The following MLYCD variants were observed in gnomAD, a reference collection of about 807,000 sequenced individuals.
MLYCD encodes the protein malonyl-CoA decarboxylase.
Under a neutral mutation model 35.8 loss-of-function variants are expected in MLYCD, and 27 were observed. The observed-to-expected ratio is 0.75, with a 90% CI of 0.56 to 1.04. The LOEUF is 1.04. MLYCD is among the 50% of genes least tolerant of loss of function. The pLI, the probability that MLYCD is intolerant of heterozygous loss-of-function variation, is 0.00. For synonymous variants in MLYCD, 403 were observed against 302.4 expected (o/e 1.33, Z -3.45); for missense variants, 917 against 665.1 (o/e 1.38, Z -4.17).
chr16:83,902,465 C>G (rs1906829978), intron 1 of MLYCD, among the ~76,000 whole-genome samples: 1 of 150,188 alleles, frequency 6.7e-6, no homozygotes, highest in Admixed American at 6.6e-5. Flanking sequence ...TCACCAGAAT[C>G]ACTTAATGTG....
intron 1 of MLYCD, among the ~76,000 whole-genome samples, chr16:83,904,984 G>A (rs1004622925): frequency 2.6e-5 from 4 of 152,180 alleles, no homozygotes; most frequent in African/African-American, 9.7e-5. Flanking sequence ...ACATGTAAAA[G>A]GAGACCTCAT....
rs1366207583 is a variant in MLYCD, at chr16:83,917,263, C to T, written c.*1774C>T. On this transcript the variant is annotated 3_prime_UTR_variant, in exon 5 of 5. Coordinates refer to ENST00000262430, the MANE Select transcript of MLYCD (RefSeq NM_012213.3). ...TCTGTGTGCGTGTGCCCGAGCGTCT[C>T]TGTGTGGATCAGTGCACGTCTGTGT... The T allele has an allele frequency of 7.0e-6, 1 of 142,710 alleles. No individual in the cohort carries two copies. The highest frequency in any genetic ancestry group is 2.9e-5 in the African/African-American group (1 of 33,984). The allele number at this position is 142,710 out of a possible 1,614,324, so 8.8% of individuals were successfully genotyped here. A position where few individuals can be genotyped will look rare whatever the true frequency, so the allele number is the denominator to read the frequency against.
rs1374996923 is a variant in MLYCD at position 83,922,633 on chromosome 16, A to C, written c.*7144A>C. 6.6e-6 allele frequency: 1 copy of C among 152,046 alleles called. No homozygotes were observed. Among genetic ancestry groups the C allele is most frequent in the Non-Finnish European group, 1.5e-5 (1 of 68,022 alleles). 9.4% of individuals were successfully genotyped at this position (152,046 alleles called of 1,614,324 possible). On this transcript the variant is annotated 3_prime_UTR_variant, in exon 5 of 5. Coordinates refer to ENST00000262430, the MANE Select transcript of MLYCD (RefSeq NM_012213.3). The stretch of plus-strand genomic sequence containing the variant: ...TTAAGTGGCAGTAACCATAGTACCG[A>C]CCCCACAGCCTGCTGAGAGGCTCAA...
Position 83,917,724 on chromosome 16 carries a change from T to C in MLYCD, c.*2235T>C, listed in dbSNP as rs1907472502. The C allele has an allele frequency of 6.6e-6, 1 of 152,284 alleles. No individual in the cohort carries two copies. Among genetic ancestry groups the C allele is most frequent in the African/African-American group, 2.4e-5 (1 of 41,470 alleles). 9.4% of individuals were successfully genotyped at this position (152,284 alleles called of 1,614,324 possible). The stretch of plus-strand genomic sequence containing the variant: ...GACCCTCAGGCCTGCGGAAACCTGC[T>C]GGGCCTTACCGTCTTTGCTTAGCTT... On this transcript the variant is annotated 3_prime_UTR_variant, in exon 5 of 5. Transcript: ENST00000262430.
chr16:83,899,625 C>G lies in MLYCD; in HGVS notation c.481C>G (p.Leu161Val). ...VRFLVQLRAD[L>V]LEAQALKLVE... The stretch of plus-strand genomic sequence containing the variant: ...CTTCCTGGTGCAGCTGCGGGCCGAC[C>G]TGCTGGAGGCGCAGGCCCTCAAGCT... The change falls in exon 1 of 5, where the codon CTG becomes GTG. Residue 161 changes from leucine (L) to valine (V), a missense_variant. Transcript: ENST00000262430. 1.9e-6 allele frequency: 3 copies of G among 1,565,486 alleles called. No individual in the cohort carries two copies. The highest frequency in any genetic ancestry group is 2.7e-5 in the African/African-American group (2 of 73,722).
chr16:83,904,191 A>ACG (rs1327150739), intron 1 of MLYCD, among the ~76,000 whole-genome samples: 4,260 of 152,084 alleles, frequency 0.028, 132 homozygotes, highest in African/African-American at 0.077. Flanking sequence ...AGCTTTTTTC[A>ACG]TATCACGAAT....
intron 1 of MLYCD, among the ~76,000 whole-genome samples, chr16:83,905,424 A>T (rs1412256053): frequency 6.6e-6 from 1 of 152,182 alleles, no homozygotes; most frequent in Non-Finnish European, 1.5e-5. Flanking sequence ...AATAACAGTG[A>T]TTTGAATATG....
Position 83,915,869 on chromosome 16 carries a change from G to A in MLYCD, c.*380G>A, listed in dbSNP as rs1217559584. The stretch of plus-strand genomic sequence containing the variant: ...CTGGCATCCTCCTAAGGACCGGGGC[G>A]CGTGGCCCAGATAAGAATAGGTGTT... On this transcript the variant is annotated 3_prime_UTR_variant, in exon 5 of 5. Transcript: ENST00000262430. 4.3e-6 allele frequency: 5 copies of A among 1,175,566 alleles called. No individual in the cohort carries two copies. The highest frequency in any genetic ancestry group is 5.3e-6 in the Non-Finnish European group (5 of 940,222). 72.8% of individuals were successfully genotyped at this position (1,175,566 alleles called of 1,614,324 possible).
At chr16:83,908,360 C>G in intron 3 of MLYCD, 78 bp downstream of exon 3, 1 of 1,506,846 alleles carries the variant, frequency 6.6e-7, no homozygotes, top group Non-Finnish European at 8.9e-7. Context: ...TTTGTTTTTA[C>G]TTGATTTTAT....
At position 83,915,588 on chromosome 16, in the gene MLYCD, C is replaced by T. The variant is rs1355687751; in HGVS notation, c.*99C>T. Reference sequence around the variant, plus strand: ...ATCTGAAGCAGCTTTCCAAGCAAAGCCAAAGTTGACTGTGTTCTTGTCCCG... The same window carrying T: ...ATCTGAAGCAGCTTTCCAAGCAAAGTCAAAGTTGACTGTGTTCTTGTCCCG... On this transcript the variant is annotated 3_prime_UTR_variant, in exon 5 of 5. Coordinates refer to ENST00000262430, the MANE Select transcript of MLYCD (RefSeq NM_012213.3). 6 of 1,547,208 alleles carry T rather than the reference C, an allele frequency of 3.9e-6. No homozygotes were observed. Among genetic ancestry groups the T allele is most frequent in the Non-Finnish European group, 5.2e-6 (6 of 1,154,024 alleles).
Position 83,915,251 on chromosome 16 carries a change from C to G in MLYCD, c.1244C>G (p.Ala415Gly). The G allele has an allele frequency of 6.2e-7, 1 of 1,612,618 alleles. No individual in the cohort carries two copies. The highest frequency in any genetic ancestry group is 8.5e-7 in the Non-Finnish European group (1 of 1,178,738). The change falls in exon 5 of 5, where the codon GCG (alanine) becomes GGG (glycine). Residue 415 changes from alanine to glycine, a missense_variant. Coordinates refer to ENST00000262430, the MANE Select transcript of MLYCD (RefSeq NM_012213.3). ...YLYGEKHRGY[A>G]LNPVANFHLQ... ...TATGGAGAGAAGCACCGCGGCTACGCGCTGAACCCCGTGGCCAACTTCCAC... is the reference window on the plus strand; with the variant it reads ...TATGGAGAGAAGCACCGCGGCTACGGGCTGAACCCCGTGGCCAACTTCCAC...
chr16:83,899,394 C>G lies in MLYCD; in HGVS notation c.250C>G (p.Arg84Gly). The change falls in exon 1 of 5, where the codon CGG (arginine) becomes GGG (glycine). Residue 84 changes from arginine to glycine, a missense_variant. Arg to Gly is a moderately radical substitution (Grantham distance 125, BLOSUM62 -2). Transcript: ENST00000262430. The part of the protein sequence containing the change: ...FYGGLAETAQ[R>G]AELLGRLARG... ...CGGTGGGCTGGCCGAGACGGCCCAG[C>G]GGGCCGAACTGCTGGGCCGCCTGGC... is the stretch of plus-strand genomic sequence containing the variant. The G allele has an allele frequency of 1.3e-6, 2 of 1,527,310 alleles. No homozygotes were observed. Among genetic ancestry groups the G allele is most frequent in the Non-Finnish European group, 1.7e-6 (2 of 1,146,368 alleles). 94.6% of individuals were successfully genotyped at this position (1,527,310 alleles called of 1,614,324 possible). A position where few individuals can be genotyped will look rare whatever the true frequency, so the allele number is the denominator to read the frequency against.
rs575702100 is a variant in MLYCD at position 83,917,651 on chromosome 16, C to G, written c.*2162C>G. ...AGGCCAATCAATGCAATCCTGGCAA[C>G]CTGCCCGCCCTTCTTGCGGGCAGAG... On this transcript the variant is annotated 3_prime_UTR_variant, in exon 5 of 5. Coordinates refer to ENST00000262430, the MANE Select transcript of MLYCD (RefSeq NM_012213.3). 2 of 152,260 alleles carry G rather than the reference C, an allele frequency of 1.3e-5. No individual in the cohort carries two copies. Among genetic ancestry groups the G allele is most frequent in the African/African-American group, 4.8e-5 (2 of 41,484 alleles). The allele number at this position is 152,260 out of a possible 1,614,324, so 9.4% of individuals were successfully genotyped here.
intron 1 of MLYCD, among the ~76,000 whole-genome samples, chr16:83,903,829 C>G (rs938880144): frequency 6.6e-6 from 1 of 152,148 alleles, no homozygotes; most frequent in African/African-American, 2.4e-5. Flanking sequence ...CTTAGCATCA[C>G]CAGGATATTC....
Position 83,915,298 on chromosome 16 carries a change from T to C in MLYCD, c.1291T>C (p.Trp431Arg). 1 of 1,613,762 alleles carries C rather than the reference T, an allele frequency of 6.2e-7. No homozygotes were observed. Among genetic ancestry groups the C allele is most frequent in the Non-Finnish European group, 8.5e-7 (1 of 1,179,734 alleles). ...NFHLQNGAVLWRINWMADVSL... is the reference protein window; with the variant it reads ...NFHLQNGAVLRRINWMADVSL... ...CCACCTGCAGAACGGGGCGGTGCTGTGGCGCATCAACTGGATGGCGGATGT... is the reference window on the plus strand; with the variant it reads ...CCACCTGCAGAACGGGGCGGTGCTGCGGCGCATCAACTGGATGGCGGATGT... Residue 431 changes from tryptophan (W) to arginine (R), a missense_variant, in exon 5 of 5, where the codon TGG becomes CGG. By Grantham distance (101) the Trp-to-Arg change is moderately radical. Transcript: ENST00000262430.
intron 3 of MLYCD, among the ~76,000 whole-genome samples, chr16:83,911,188 C>T (rs1567635308): frequency 6.6e-6 from 1 of 152,098 alleles, no homozygotes; most frequent in Non-Finnish European, 1.5e-5. Flanking sequence ...CCGTGTTAGC[C>T]AGGGTGGTCT....
In MLYCD at chr16:83,899,328, G is replaced by A. The variant is rs1477354514; in HGVS notation, c.184G>A (p.Ala62Thr). ...PAYELREKTPAPAEGQCADFV... is the reference protein window; with the variant it reads ...PAYELREKTPTPAEGQCADFV... Reference sequence around the variant, plus strand: ...CTACGAGCTGCGCGAGAAGACACCGGCGCCCGCCGAGGGTCAGTGCGCGGA... The same window carrying A: ...CTACGAGCTGCGCGAGAAGACACCGACGCCCGCCGAGGGTCAGTGCGCGGA... The change falls in exon 1 of 5, where the codon GCG becomes ACG. Residue 62 changes from alanine (A) to threonine (T), a missense_variant. Physicochemically the swap from Ala to Thr is moderately conservative, Grantham distance 58. Coordinates refer to ENST00000262430, the MANE Select transcript of MLYCD (RefSeq NM_012213.3). 3 of 1,502,704 alleles carry A rather than the reference G, an allele frequency of 2.0e-6. No homozygotes were observed. The highest frequency in any genetic ancestry group is 1.2e-5 in the South Asian group (1 of 80,816). The allele number at this position is 1,502,704 out of a possible 1,614,324, so 93.1% of individuals were successfully genotyped here. A position where few individuals can be genotyped will look rare whatever the true frequency, so the allele number is the denominator to read the frequency against.
In MLYCD at chr16:83,915,481, A is replaced by G; in HGVS notation, c.1474A>G (p.Lys492Glu). 1.9e-6 allele frequency: 3 copies of G among 1,611,444 alleles called. No homozygotes were observed. Among genetic ancestry groups the G allele is most frequent in the Non-Finnish European group, 2.5e-6 (3 of 1,179,996 alleles). ...AGTGGCCCAGTTTCAAAAGAACAGC[A>G]AGCTCTGACAGTAAACCTCTCCTAA... ...SLVAQFQKNSKL is the reference protein window; with the variant it reads ...SLVAQFQKNSEL Residue 492 changes from lysine (K) to glutamate (E), a missense_variant, in exon 5 of 5, where the codon AAG becomes GAG. Transcript: ENST00000262430.
chr16:83,910,396 A>G (rs534688065), intron 3 of MLYCD, among the ~76,000 whole-genome samples: 1 of 152,074 alleles, frequency 6.6e-6, no homozygotes, highest in Non-Finnish European at 1.5e-5. Context: ...TTCTTAAAAA[A>G]CAAAGGAGAG....
Sources: allele counts gnomAD v4.1 joint callset (sites outside exome capture counted in the v4.1 genomes callset), GRCh38; gene constraint gnomAD v4.1.1; transcripts MANE v1.5; gene names NCBI Gene and HGNC (gene_info 2026-07-23, HGNC 2026-07-21).